ITGB1: variants seen among roughly 807,000 people sequenced by gnomAD.
The protein encoded by ITGB1 is integrin subunit beta 1, also known as integrin beta-1.
ITGB1 carries 24 observed loss-of-function variants against 86.5 expected under a neutral mutation model. The observed-to-expected ratio is 0.28, with a 90% confidence interval of 0.20 to 0.39. ITGB1 has a LOEUF of 0.39. Ranked by LOEUF, ITGB1 falls within the 10% of genes least tolerant of loss-of-function variation. The probability of loss-of-function intolerance (pLI) is 1.00; values close to 1 mark genes in which losing one functional copy is unlikely to be tolerated. For missense variants in ITGB1, 556 were observed against 946.9 expected (o/e 0.59, Z 5.42); for synonymous variants, 323 against 316.8 (o/e 1.02, Z -0.21).
At chr10:32,942,748 G>T (rs936273218) in intron 1 of ITGB1, among the ~76,000 whole-genome samples, 1 of 149,834 alleles carries the variant, frequency 6.7e-6, no homozygotes, top group African/African-American at 2.4e-5. Context: ...GCAGTGGTGT[G>T]ATCACATCTC....
Position 32,938,430 on chromosome 10 carries a change from T to C in ITGB1, c.1-2872A>G, listed in dbSNP as rs151218758. On this transcript the variant is annotated intron_variant, in intron 1 of 15. Coordinates refer to ENST00000302278, the MANE Select transcript of ITGB1 (RefSeq NM_002211.4). ...GATCACTAGAGACTGCTTTGAGAAA[T>C]CTGTCAACATATCATACAATTTAGA... 1.6e-3 allele frequency among the ~76,000 whole-genome samples: 238 copies of C among 151,762 alleles called. 2 individuals are homozygous for C. The highest frequency in any genetic ancestry group is 4.2e-3 in the African/African-American group (175 of 41,570).
intron 1 of ITGB1, among the ~76,000 whole-genome samples, chr10:32,942,410 C>A (rs1156514831): frequency 6.6e-6 from 1 of 152,098 alleles, no homozygotes; most frequent in Non-Finnish European, 1.5e-5. Context: ...TATTGGACAC[C>A]CTAATTTATA....
In ITGB1 at chr10:32,925,988, G is replaced by A; in HGVS notation, c.669C>T (p.Leu223=). The A allele has an allele frequency of 6.2e-7, 1 of 1,613,658 alleles. No homozygotes were observed. ...ATACTTCTCCTTTATTAGTAAGACT[G>A]AGCACATTTTTGTAGCTAAATGGGC... ...CTSPFSYKNV[L]SLTNKGEVFN... Residue 223 remains leucine, a synonymous_variant, in exon 6 of 16, where the codon CTC becomes CTT. Transcript: ENST00000302278.
At chr10:32,911,777 G>T in intron 12 of ITGB1, 107 bp from the exon 13 acceptor site, 1 of 1,423,722 alleles carries the variant, frequency 7.0e-7, no homozygotes, top group South Asian at 1.2e-5. Flanking sequence ...CTAGGGGCGA[G>T]ACTGACCCTC....
chr10:32,921,908 A>C (rs1462081256), intron 9 of ITGB1, among the ~76,000 whole-genome samples: 1 of 152,212 alleles, frequency 6.6e-6, no homozygotes, highest in Non-Finnish European at 1.5e-5. Context: ...TGACTCTATA[A>C]AGGATATTTT....
chr10:32,942,523 T>C (rs1199597728), intron 1 of ITGB1, among the ~76,000 whole-genome samples: 1 of 152,206 alleles, frequency 6.6e-6, no homozygotes, highest in African/African-American at 2.4e-5. Context: ...GTATCTTATT[T>C]ATAGCTATTG....
intron 1 of ITGB1, among the ~76,000 whole-genome samples, chr10:32,938,673 G>T (rs139062995): frequency 3.9e-5 from 6 of 152,238 alleles, no homozygotes; most frequent in African/African-American, 1.4e-4. Context: ...AAGGCCAGCA[G>T]CTGGAAACAG....
chr10:32,953,019 ATAT>A lies in ITGB1; in HGVS notation c.-1+5123_-1+5125del, dbSNP rs562250197. ...TTCACATATCCTTCTGATATATATG[ATAT>A]TATACATAACTCCTAATAGGTAACA... On this transcript the variant is annotated intron_variant, in intron 1 of 15. Coordinates refer to ENST00000302278, the MANE Select transcript of ITGB1 (RefSeq NM_002211.4). 4.7e-3 allele frequency among the ~76,000 whole-genome samples: 721 copies of A among 152,288 alleles called. 4 individuals are homozygous for A. Among genetic ancestry groups the A allele is most frequent in the African/African-American group, 0.017 (687 of 41,564 alleles).
chr10:32,929,204 T>TAAAAA (rs143341662), intron 4 of ITGB1, among the ~76,000 whole-genome samples: 12 of 146,584 alleles, frequency 8.2e-5, no homozygotes, highest in South Asian at 7.2e-4. Flanking sequence ...ACAGAAGAGT[T>TAAAAA]AAAAAAAATC....
chr10:32,944,854 T>C, intron 1 of ITGB1: 1 of 1,239,760 alleles, frequency 8.1e-7, no homozygotes, highest in Non-Finnish European at 1.2e-6. Context: ...CTGGGGATCC[T>C]CTCATTCAGC....
At chr10:32,955,281 C>G (rs537486467) in intron 1 of ITGB1, among the ~76,000 whole-genome samples, 10 of 152,292 alleles carry the variant, frequency 6.6e-5, no homozygotes, top group African/African-American at 2.2e-4. Flanking sequence ...TACATATTTA[C>G]CCGGCATAAT....
intron 1 of ITGB1, chr10:32,944,658 T>G (rs1487596806): frequency 1.6e-6 from 1 of 634,764 alleles, no homozygotes; most frequent in Non-Finnish European, 3.0e-6. Context: ...TTGGGTGGTT[T>G]TCCATGGACA....
chr10:32,951,664 GACATTATT>G (rs2095042861), intron 1 of ITGB1: 1 of 152,230 alleles, frequency 6.6e-6, no homozygotes, highest in Admixed American at 6.5e-5. Flanking sequence ...CAAAAGGTAA[GACATTATT>G]ACCTAGCAAT....
chr10:32,941,862 A>G (rs1247094337), intron 1 of ITGB1, among the ~76,000 whole-genome samples: 1 of 152,202 alleles, frequency 6.6e-6, no homozygotes, highest in East Asian at 1.9e-4. Context: ...ACTTTAAAAT[A>G]AAGAAGATGT....
At chr10:32,917,689 AAAC>A (rs1404900674) in intron 11 of ITGB1, among the ~76,000 whole-genome samples, 1 of 152,158 alleles carries the variant, frequency 6.6e-6, no homozygotes, top group Non-Finnish European at 1.5e-5. Flanking sequence ...AAAGTCAGGA[AAAC>A]AACAGGTGCT....
rs576787585 is a variant in ITGB1, at chr10:32,943,904, G to C, written c.1-8346C>G. 4.6e-5 allele frequency among the ~76,000 whole-genome samples: 7 copies of C among 152,314 alleles called. No individual in the cohort carries two copies. In the South Asian group the frequency reaches 1.2e-3, roughly 27 times the overall value. ...CTTGTGGAAAACTTTTGAGAAGTAC[G>C]TAGAAAGTCTGTCCAGTGAAAGTCA... On this transcript the variant is annotated intron_variant, in intron 1 of 15. Coordinates refer to ENST00000302278, the MANE Select transcript of ITGB1 (RefSeq NM_002211.4).
chr10:32,934,905 T>G (rs1468910219), intron 2 of ITGB1, among the ~76,000 whole-genome samples: 2 of 152,222 alleles, frequency 1.3e-5, no homozygotes, highest in Non-Finnish European at 2.9e-5. Flanking sequence ...CTACTTGTAG[T>G]AAGTCCTTCC....
At chr10:32,929,367 G>C (rs1188366681) in intron 4 of ITGB1, among the ~76,000 whole-genome samples, 2 of 152,176 alleles carry the variant, frequency 1.3e-5, no homozygotes, top group East Asian at 1.9e-4. Flanking sequence ...AGAAAGGTCG[G>C]AAACCAGAAA....
chr10:32,932,552 A>G lies in ITGB1; in HGVS notation c.116T>C (p.Ile39Thr). 1 of 1,611,218 alleles carries G rather than the reference A, an allele frequency of 6.2e-7. No individual in the cohort carries two copies. Among genetic ancestry groups the G allele is most frequent in the Non-Finnish European group, 8.5e-7 (1 of 1,177,478 alleles). Residue 39 changes from isoleucine (I) to threonine (T), a missense_variant, in exon 3 of 16, where the codon ATA becomes ACA. Around this residue, in one of 4 missense-constraint regions of ITGB1, gnomAD observed 183 missense variants for 263.9 expected, o/e 0.69. Coordinates refer to ENST00000302278, the MANE Select transcript of ITGB1 (RefSeq NM_002211.4). ...KANAKSCGEC[I>T]QAGPNCGWCT... ...CCACCCACAATTTGGCCCTGCTTGT[A>G]TACATTCTCCACATGATTTGGCATT...
Sources: allele counts gnomAD v4.1 joint callset (sites outside exome capture counted in the v4.1 genomes callset), GRCh38; gene constraint gnomAD v4.1.1; regional missense constraint gnomAD v4.1.1; transcripts MANE v1.5; gene names NCBI Gene and HGNC (gene_info 2026-07-23, HGNC 2026-07-21).